Variants in OR7G3 observed in about 807,000 individuals in gnomAD.
OR7G3 encodes olfactory receptor family 7 subfamily G member 3.
For synonymous variants in OR7G3, 143 were observed against 157.6 expected (o/e 0.91, Z 0.69); for missense variants, 352 against 372.1 (o/e 0.95, Z 0.44).
At position 9,126,210 on chromosome 19, in the gene OR7G3, A is replaced by G. The variant is rs10424352; in HGVS notation, c.741T>C (p.Val247=). Residue 247 remains valine, a synonymous_variant, in exon 1 of 1, where the codon GTT becomes GTC. Coordinates refer to ENST00000305444, the MANE Select transcript of OR7G3 (RefSeq NM_001001958.1). ...AFSICGSHLI[V]VSLFYGTGFG... ...ACCCTGTTCCATAAAACAAGGAAAC[A>G]ACGATTAAATGTGACCCGCAGATGG... The G allele has an allele frequency of 0.33, 532,177 of 1,613,694 alleles. 93,230 individuals carry two copies. Among genetic ancestry groups the G allele is most frequent in the African/African-American group, 0.66 (49,545 of 74,910 alleles).
In OR7G3 at chr19:9,126,630, A is replaced by T. The variant is rs1428207179; in HGVS notation, c.321T>A (p.Phe107Leu). The T allele has an allele frequency of 2.5e-6, 4 of 1,614,142 alleles. No individual in the cohort carries two copies. Among genetic ancestry groups the T allele is most frequent in the East Asian group, 2.2e-5 (1 of 44,880 alleles). ...CLTQICFVLV[F>L]VGLENGILVM... The stretch of plus-strand genomic sequence containing the variant: ...CCAGAATTCCATTTTCCAATCCAAC[A>T]AAAACCAGGACAAAGCAGATTTGGG... Residue 107 changes from phenylalanine (F) to leucine (L), a missense_variant, in exon 1 of 1, where the codon TTT becomes TTA. Coordinates refer to ENST00000305444, the MANE Select transcript of OR7G3 (RefSeq NM_001001958.1).
chr19:9,126,477 C>T lies in OR7G3; in HGVS notation c.474G>A (p.Leu158=), dbSNP rs781425844. 1.2e-6 allele frequency: 2 copies of T among 1,614,110 alleles called. No individual in the cohort carries two copies. The highest frequency in any genetic ancestry group is 1.7e-6 in the Non-Finnish European group (2 of 1,179,994). Residue 158 remains leucine (L), a synonymous_variant, in exon 1 of 1, where the codon CTG becomes CTA. Transcript: ENST00000305444. ...SFIVSVLDAL[L]HTLMVLQLTF... ...TCAGCTGTAGCACCATCAACGTGTG[C>T]AGCAGAGCATCCAGGACACTAACGA...
Position 9,126,929 on chromosome 19 carries a change from CT to C in OR7G3, c.21del (p.Asp8ThrfsTer76). 6.3e-7 allele frequency: 1 copy of C among 1,585,468 alleles called. No individual in the cohort carries two copies. The highest frequency in any genetic ancestry group is 8.6e-7 in the Non-Finnish European group (1 of 1,166,132). On this transcript the variant is annotated frameshift_variant, in exon 1 of 1. Coordinates refer to ENST00000305444, the MANE Select transcript of OR7G3 (RefSeq NM_001001958.1). LOFTEE classifies it low-confidence loss of function (END_TRUNC). ...CCCAAGAGAAAGAATTCTGGAGTGTCTGAGAAGTTTCCTGCTTTCATGTTGT... is the reference window on the plus strand; with the variant it reads ...CCCAAGAGAAAGAATTCTGGAGTGTCGAGAAGTTTCCTGCTTTCATGTTGT... MKAGNF[S>X]DTPEFFLLGL...
Position 9,126,280 on chromosome 19 carries a change from G to A in OR7G3, c.671C>T (p.Ser224Phe). 2 of 1,614,166 alleles carry A rather than the reference G, an allele frequency of 1.2e-6. No individual in the cohort carries two copies. The highest frequency in any genetic ancestry group is 1.7e-6 in the Non-Finnish European group (2 of 1,180,002). The change falls in exon 1 of 1, where the codon TCT becomes TTT. Residue 224 changes from serine to phenylalanine, a missense_variant. Coordinates refer to ENST00000305444, the MANE Select transcript of OR7G3 (RefSeq NM_001001958.1). ...ACCAGCTGATGGAATTTTCATGACA[G>A]AGGAGACAATTCGTGTGTAAGAGAA... is the stretch of plus-strand genomic sequence containing the variant. ...IIFSYTRIVS[S>F]VMKIPSAGGK...
chr19:9,126,265 G>T lies in OR7G3; in HGVS notation c.686C>A (p.Pro229Gln), dbSNP rs1404208779. ...TRIVSSVMKI[P>Q]SAGGKYKAFS... is the part of the protein sequence containing the mutation. ...AGCTTTATACTTTCCACCAGCTGAT[G>T]GAATTTTCATGACAGAGGAGACAAT... Residue 229 changes from proline (P) to glutamine (Q), a missense_variant, in exon 1 of 1, where the codon CCA (proline) becomes CAA (glutamine). By Grantham distance (76) the Pro-to-Gln change is moderately conservative. Transcript: ENST00000305444. 1.9e-6 allele frequency: 3 copies of T among 1,614,036 alleles called. No homozygotes were observed. In the African/African-American group the frequency reaches 4.0e-5, roughly 22 times the overall value.
Position 9,126,282 on chromosome 19 carries a change from G to T in OR7G3, c.669C>A (p.Ser223=), listed in dbSNP as rs771183236. 6.2e-7 allele frequency: 1 copy of T among 1,614,162 alleles called. No individual in the cohort carries two copies. Among genetic ancestry groups the T allele is most frequent in the South Asian group, 1.1e-5 (1 of 91,078 alleles). The change falls in exon 1 of 1, where the codon TCC becomes TCA. Residue 223 remains serine, a synonymous_variant. Coordinates refer to ENST00000305444, the MANE Select transcript of OR7G3 (RefSeq NM_001001958.1). ...CAGCTGATGGAATTTTCATGACAGA[G>T]GAGACAATTCGTGTGTAAGAGAAAA... ...GIIFSYTRIV[S]SVMKIPSAGG... is the part of the protein sequence containing the mutation.
chr19:9,126,115 G>T lies in OR7G3; in HGVS notation c.836C>A (p.Thr279Asn). 1.9e-6 allele frequency: 3 copies of T among 1,614,074 alleles called. No homozygotes were observed. Among genetic ancestry groups the T allele is most frequent in the Non-Finnish European group, 2.5e-6 (3 of 1,179,994 alleles). Reference protein sequence around the residue: ...RKGAIASVMYTVVTPMLNPLI... With the variant: ...RKGAIASVMYNVVTPMLNPLI... ...TGGGTTCAGCATGGGGGTGACCACG[G>T]TATACATCACTGATGCTATTGCACC... Residue 279 changes from threonine (T) to asparagine (N), a missense_variant, in exon 1 of 1, where the codon ACC becomes AAC. Physicochemically the swap from Thr to Asn is moderately conservative, Grantham distance 65. Transcript: ENST00000305444.
rs780778737 is a variant in OR7G3, at chr19:9,126,915, G to T, written c.36C>A (p.Phe12Leu). 2.4e-5 allele frequency: 38 copies of T among 1,599,380 alleles called. No homozygotes were observed. The East Asian group carries it at 8.5e-4, about 36-fold the overall frequency. Residue 12 changes from phenylalanine to leucine, a missense_variant, in exon 1 of 1, where the codon TTC (phenylalanine) becomes TTA (leucine). Physicochemically the swap from Phe to Leu is conservative, Grantham distance 22 (BLOSUM62 0). Coordinates refer to ENST00000305444, the MANE Select transcript of OR7G3 (RefSeq NM_001001958.1). ...KAGNFSDTPE[F>L]FLLGLSGDPE... Reference sequence around the variant, plus strand: ...GATCCCCTGACAATCCCAAGAGAAAGAATTCTGGAGTGTCTGAGAAGTTTC... The same window carrying T: ...GATCCCCTGACAATCCCAAGAGAAATAATTCTGGAGTGTCTGAGAAGTTTC...
In OR7G3 at chr19:9,126,738, G is replaced by GA. The variant is rs1600213767; in HGVS notation, c.212dup (p.Cys72LeufsTer50). On this transcript the variant is annotated frameshift_variant, in exon 1 of 1. Transcript: ENST00000305444. LOFTEE classifies it low-confidence loss of function (END_TRUNC). ...TGGGCATCGTGGTGGAGGTGAAACA[G>GA]ATGTCGACCAAGGACAGGATAGAGA... 2 of 1,613,968 alleles carry GA rather than the reference G, an allele frequency of 1.2e-6. No individual in the cohort carries two copies. The highest frequency in any genetic ancestry group is 2.7e-5 in the African/African-American group (2 of 75,030).
At position 9,126,909 on chromosome 19, in the gene OR7G3, G is replaced by A; in HGVS notation, c.42C>T (p.Leu14=). The change falls in exon 1 of 1, where the codon CTC becomes CTT. Residue 14 remains leucine, a synonymous_variant. Transcript: ENST00000305444. ...GNFSDTPEFF[L]LGLSGDPELQ... ...GCTCCGGATCCCCTGACAATCCCAAGAGAAAGAATTCTGGAGTGTCTGAGA... is the reference window on the plus strand; with the variant it reads ...GCTCCGGATCCCCTGACAATCCCAAAAGAAAGAATTCTGGAGTGTCTGAGA... The A allele has an allele frequency of 6.2e-7, 1 of 1,605,646 alleles. No individual in the cohort carries two copies. The highest frequency in any genetic ancestry group is 1.3e-5 in the African/African-American group (1 of 74,792).
In OR7G3 at chr19:9,126,233, T is replaced by C. The variant is rs148322065; in HGVS notation, c.718A>G (p.Ile240Val). 141 of 1,613,050 alleles carry C rather than the reference T, an allele frequency of 8.7e-5. No individual in the cohort carries two copies. In the African/African-American group the frequency reaches 1.8e-3, roughly 20 times the overall value. Residue 240 changes from isoleucine (I) to valine (V), a missense_variant, in exon 1 of 1, where the codon ATC (isoleucine) becomes GTC (valine). Transcript: ENST00000305444. The stretch of plus-strand genomic sequence containing the variant: ...ACAACGATTAAATGTGACCCGCAGA[T>C]GGAAAAAGCTTTATACTTTCCACCA... The part of the protein sequence containing the change: ...SAGGKYKAFS[I>V]CGSHLIVVSL...
In OR7G3 at chr19:9,126,246, A is replaced by C. The variant is rs779919937; in HGVS notation, c.705T>G (p.Tyr235Ter). Residue 235 changes from tyrosine to a stop codon, truncating the protein, a stop_gained, in exon 1 of 1, where the codon TAT becomes TAG. Coordinates refer to ENST00000305444, the MANE Select transcript of OR7G3 (RefSeq NM_001001958.1). LOFTEE classifies it low-confidence loss of function (END_TRUNC). ...GTGACCCGCAGATGGAAAAAGCTTT[A>C]TACTTTCCACCAGCTGATGGAATTT... The part of the protein sequence containing the change: ...VMKIPSAGGK[Y>*]KAFSICGSHL... 1.9e-6 allele frequency: 3 copies of C among 1,613,996 alleles called. No individual in the cohort carries two copies. Among genetic ancestry groups the C allele is most frequent in the Admixed American group, 3.3e-5 (2 of 59,976 alleles).
Position 9,126,894 on chromosome 19 carries a change from C to T in OR7G3, c.57G>A (p.Gly19=). The T allele has an allele frequency of 6.2e-7, 1 of 1,608,592 alleles. No individual in the cohort carries two copies. Among genetic ancestry groups the T allele is most frequent in the South Asian group, 1.1e-5 (1 of 90,342 alleles). Residue 19 remains glycine (G), a synonymous_variant, in exon 1 of 1, where the codon GGG becomes GGA. Transcript: ENST00000305444. ...AGAGGATGGGCTGCAGCTCCGGATC[C>T]CCTGACAATCCCAAGAGAAAGAATT... ...TPEFFLLGLS[G]DPELQPILFM... is the part of the protein sequence containing the mutation.
chr19:9,126,431 T>C lies in OR7G3; in HGVS notation c.520A>G (p.Ile174Val), dbSNP rs1210022630. Residue 174 changes from isoleucine to valine, a missense_variant, in exon 1 of 1, where the codon ATT becomes GTT. By Grantham distance (29) the Ile-to-Val change is conservative. Coordinates refer to ENST00000305444, the MANE Select transcript of OR7G3 (RefSeq NM_001001958.1). ...LQLTFCIDLEIPHFFCELAHI... is the reference protein window; with the variant it reads ...LQLTFCIDLEVPHFFCELAHI... ...GCTAGTTCACAGAAAAAGTGGGGAA[T>C]TTCCAGGTCTATGCAGAAGGTCAGC... 1.9e-5 allele frequency: 30 copies of C among 1,613,962 alleles called. No individual in the cohort carries two copies. Among genetic ancestry groups the C allele is most frequent in the Non-Finnish European group, 2.5e-5 (30 of 1,179,968 alleles).
At position 9,126,899 on chromosome 19, in the gene OR7G3, A is replaced by C; in HGVS notation, c.52T>G (p.Ser18Ala). ...DTPEFFLLGLSGDPELQPILF... is the reference protein window; with the variant it reads ...DTPEFFLLGLAGDPELQPILF... Reference sequence around the variant, plus strand: ...ATGGGCTGCAGCTCCGGATCCCCTGACAATCCCAAGAGAAAGAATTCTGGA... The same window carrying C: ...ATGGGCTGCAGCTCCGGATCCCCTGCCAATCCCAAGAGAAAGAATTCTGGA... Residue 18 changes from serine to alanine, a missense_variant, in exon 1 of 1, where the codon TCA becomes GCA. Coordinates refer to ENST00000305444, the MANE Select transcript of OR7G3 (RefSeq NM_001001958.1). 1 of 1,608,962 alleles carries C rather than the reference A, an allele frequency of 6.2e-7. No homozygotes were observed. The highest frequency in any genetic ancestry group is 8.5e-7 in the Non-Finnish European group (1 of 1,177,316).
rs942756157 is a variant in OR7G3, at chr19:9,126,042, T to A, written c.909A>T (p.Lys303Asn). ...RNKDMLKALR[K>N]LISRIPSFH is the part of the protein sequence containing the mutation. ...GGAAAGATGGTATCCTAGATATTAG[T>A]TTCCTCAAAGCCTTCAACATGTCCT... is the stretch of plus-strand genomic sequence containing the variant. The change falls in exon 1 of 1, where the codon AAA becomes AAT. Residue 303 changes from lysine to asparagine, a missense_variant. Coordinates refer to ENST00000305444, the MANE Select transcript of OR7G3 (RefSeq NM_001001958.1). 26 of 1,608,270 alleles carry A rather than the reference T, an allele frequency of 1.6e-5. No homozygotes were observed. Among genetic ancestry groups the A allele is most frequent in the Non-Finnish European group, 2.2e-5 (26 of 1,176,038 alleles).
Position 9,126,872 on chromosome 19 carries a change from G to T in OR7G3, c.79C>A (p.Leu27Ile). Reference sequence around the variant, plus strand: ...TACATGGACAGGAACAGCATGAAGAGGATGGGCTGCAGCTCCGGATCCCCT... The same window carrying T: ...TACATGGACAGGAACAGCATGAAGATGATGGGCTGCAGCTCCGGATCCCCT... ...LSGDPELQPI[L>I]FMLFLSMYLA... Residue 27 changes from leucine to isoleucine, a missense_variant, in exon 1 of 1, where the codon CTC (leucine) becomes ATC (isoleucine). Physicochemically the swap from Leu to Ile is conservative, Grantham distance 5 (BLOSUM62 2). Transcript: ENST00000305444. The T allele has an allele frequency of 6.2e-7, 1 of 1,613,486 alleles. No individual in the cohort carries two copies. Among genetic ancestry groups the T allele is most frequent in the East Asian group, 2.2e-5 (1 of 44,874 alleles).
Position 9,126,488 on chromosome 19 carries a change from C to T in OR7G3, c.463G>A (p.Asp155Asn). The change falls in exon 1 of 1, where the codon GAT becomes AAT. Residue 155 changes from aspartate (D) to asparagine (N), a missense_variant. By Grantham distance (23) the Asp-to-Asn change is conservative. Transcript: ENST00000305444. The part of the protein sequence containing the change: ...LLLSFIVSVL[D>N]ALLHTLMVLQ... The stretch of plus-strand genomic sequence containing the variant: ...ACCATCAACGTGTGCAGCAGAGCAT[C>T]CAGGACACTAACGATGAAGGACAGC... 1 of 1,614,072 alleles carries T rather than the reference C, an allele frequency of 6.2e-7. No individual in the cohort carries two copies.
In OR7G3 at chr19:9,126,470, A is replaced by G. The variant is rs1483310613; in HGVS notation, c.481T>C (p.Leu161=). ...CAGAAGGTCAGCTGTAGCACCATCA[A>G]CGTGTGCAGCAGAGCATCCAGGACA... ...VSVLDALLHT[L]MVLQLTFCID... Residue 161 remains leucine, a synonymous_variant, in exon 1 of 1, where the codon TTG becomes CTG. Coordinates refer to ENST00000305444, the MANE Select transcript of OR7G3 (RefSeq NM_001001958.1). 1.2e-6 allele frequency: 2 copies of G among 1,613,896 alleles called. No homozygotes were observed. The highest frequency in any genetic ancestry group is 1.7e-6 in the Non-Finnish European group (2 of 1,179,914).
Sources: gnomAD v4.1 joint callset for allele counts on GRCh38, gnomAD v4.1.1 for gene constraint, MANE v1.5 for transcripts, NCBI Gene and HGNC (gene_info 2026-07-23, HGNC 2026-07-21) for gene names.